SHC4: variants seen among roughly 807,000 people sequenced by gnomAD.
SHC4 encodes the protein SHC-transforming protein 4.
A neutral mutation model predicts 69.4 loss-of-function variants in SHC4; 41 were observed. The ratio of observed to expected loss-of-function variants is 0.59; its 90% CI spans 0.46 to 0.77. SHC4 has a LOEUF of 0.77. Ranked by LOEUF, SHC4 falls within the 30% of genes least tolerant of loss-of-function variation. SHC4 has a pLI of 0.00. For missense variants in SHC4, 777 were observed against 783.8 expected (o/e 0.99, Z 0.10); for synonymous variants, 318 against 299.3 (o/e 1.06, Z -0.64).
At chr15:48,900,512 AAAAAAAAG>A (rs1314907462) in intron 2 of SHC4, among the ~76,000 whole-genome samples, 2 of 151,974 alleles carry the variant, frequency 1.3e-5, no homozygotes, top group Non-Finnish European at 2.9e-5. Flanking sequence ...AACTCAAAAA[AAAAAAAAG>A]AAAAAAAGAA....
intron 2 of SHC4, among the ~76,000 whole-genome samples, chr15:48,922,983 G>A (rs1900777593): frequency 6.6e-6 from 1 of 152,072 alleles, no homozygotes; most frequent in Admixed American, 6.6e-5. Flanking sequence ...TAGTCAGGTG[G>A]AACCATGAAT....
At chr15:48,910,197 T>G (rs891735430) in intron 2 of SHC4, among the ~76,000 whole-genome samples, 10 of 152,114 alleles carry the variant, frequency 6.6e-5, no homozygotes, top group African/African-American at 1.4e-4. Context: ...GAGGTTTTTT[T>G]TTGTTGTTGG....
chr15:48,872,919 C>G (rs967076008), intron 4 of SHC4, among the ~76,000 whole-genome samples: 2 of 152,300 alleles, frequency 1.3e-5, no homozygotes, highest in African/African-American at 4.8e-5. Flanking sequence ...AACTATGCAC[C>G]TATTGACTAA....
intron 1 of SHC4, chr15:48,947,456 C>T (rs1026718292): frequency 2.6e-5 from 4 of 152,114 alleles, no homozygotes; most frequent in Non-Finnish European, 4.4e-5. Context: ...ATATGCAACA[C>T]TTAGGAAAAA....
At chr15:48,856,787 A>C (rs1899325050) in intron 7 of SHC4, among the ~76,000 whole-genome samples, 2 of 152,140 alleles carry the variant, frequency 1.3e-5, no homozygotes, top group African/African-American at 4.8e-5. Flanking sequence ...AAAAAAAAAA[A>C]AAACAAGAAT....
At chr15:48,916,275 A>T (rs1900618821) in intron 2 of SHC4, among the ~76,000 whole-genome samples, 1 of 872 alleles carries the variant, frequency 1.1e-3, no homozygotes, top group Non-Finnish European at 3.4e-3. Flanking sequence ...ATGGTTGCTC[A>T]CACACACACA....
intron 2 of SHC4, among the ~76,000 whole-genome samples, chr15:48,898,402 T>G (rs1416023631): frequency 6.6e-6 from 1 of 152,238 alleles, no homozygotes; most frequent in Non-Finnish European, 1.5e-5. Context: ...AAATACATCC[T>G]TTCACTTTAG....
chr15:48,948,526 T>C (rs1901312342), intron 1 of SHC4, among the ~76,000 whole-genome samples: 1 of 152,264 alleles, frequency 6.6e-6, no homozygotes, highest in Non-Finnish European at 1.5e-5. Context: ...AGAATTCTGC[T>C]ATGTTTGTGC....
At chr15:48,832,558 T>C (rs1053185593) in intron 11 of SHC4, among the ~76,000 whole-genome samples, 3 of 152,172 alleles carry the variant, frequency 2.0e-5, no homozygotes, top group African/African-American at 7.2e-5. Context: ...TTGAATCTGA[T>C]GTTCATTCTC....
chr15:48,936,148 T>C (rs895150390), intron 1 of SHC4, among the ~76,000 whole-genome samples: 8 of 152,114 alleles, frequency 5.3e-5, no homozygotes, highest in African/African-American at 1.9e-4. Context: ...TTGATTGAAT[T>C]TGAATATATA....
At chr15:48,848,612 C>T (rs1899143330) in intron 9 of SHC4, among the ~76,000 whole-genome samples, 1 of 152,024 alleles carries the variant, frequency 6.6e-6, no homozygotes, top group African/African-American at 2.4e-5. Context: ...TTATTAAAGT[C>T]TGTTAATGTA....
chr15:48,932,640 A>T (rs1047626597), intron 1 of SHC4, among the ~76,000 whole-genome samples: 9 of 152,118 alleles, frequency 5.9e-5, no homozygotes, highest in Admixed American at 6.6e-5. Flanking sequence ...ACACCTACTC[A>T]TCATTCACAA....
chr15:48,902,689 G>A (rs1214191698), intron 2 of SHC4, among the ~76,000 whole-genome samples: 1 of 152,094 alleles, frequency 6.6e-6, no homozygotes, highest in Admixed American at 6.6e-5. Flanking sequence ...TCAATATGGG[G>A]TTCCAAGGCC....
In SHC4 at chr15:48,872,131, A is replaced by G. The variant is rs1595739705; in HGVS notation, c.852T>C (p.Asn284=). 1.3e-6 allele frequency: 2 copies of G among 1,583,276 alleles called. No homozygotes were observed. Among genetic ancestry groups the G allele is most frequent in the Non-Finnish European group, 1.7e-6 (2 of 1,158,128 alleles). Residue 284 remains asparagine (N), a synonymous_variant, in exon 5 of 12, where the codon AAT becomes AAC. Transcript: ENST00000332408. ...CAAATGAAATAGACTGCATATGATG[A>G]TTTGCAATAATCTGAAAAACATAAA... ...MNLDNQQIIA[N]HHMQSISFAS...
At chr15:48,849,308 T>C in intron 9 of SHC4, among the ~76,000 whole-genome samples, 1 of 152,146 alleles carries the variant, frequency 6.6e-6, no homozygotes, top group Non-Finnish European at 1.5e-5. Context: ...TAATTCCCAC[T>C]CATCCTTCAG....
intron 5 of SHC4, among the ~76,000 whole-genome samples, chr15:48,871,470 A>C (rs1290088118): frequency 6.6e-6 from 1 of 152,162 alleles, no homozygotes. Flanking sequence ...TGTGGTCCAG[A>C]AATGGTGCAG....
chr15:48,944,851 C>T (rs1391057045), intron 1 of SHC4, among the ~76,000 whole-genome samples: 1 of 152,130 alleles, frequency 6.6e-6, no homozygotes, highest in Non-Finnish European at 1.5e-5. Flanking sequence ...GCAAAAGTAA[C>T]GTTTTAATCC....
intron 2 of SHC4, among the ~76,000 whole-genome samples, chr15:48,912,106 GCTT>G (rs1164390296): frequency 1.3e-5 from 2 of 152,136 alleles, no homozygotes. Flanking sequence ...TGTTCTTTGT[GCTT>G]CTTATATTTG....
At position 48,924,917 on chromosome 15, in the gene SHC4, C is replaced by T. The variant is rs1168245630; in HGVS notation, c.618G>A (p.Met206Ile). ...TTCTCATTCCAAAATCCAGTGATCT[C>T]ATTGATTGCAGCACTTCAACACAGC... ...YMGCVEVLQS[M>I]RSLDFGMRTQ... is the part of the protein sequence containing the mutation. The change falls in exon 2 of 12, where the codon ATG (methionine) becomes ATA (isoleucine). Residue 206 changes from methionine (M) to isoleucine (I), a missense_variant. Transcript: ENST00000332408. 14 of 1,613,970 alleles carry T rather than the reference C, an allele frequency of 8.7e-6. No individual in the cohort carries two copies. Among genetic ancestry groups the T allele is most frequent in the African/African-American group, 1.3e-5 (1 of 74,910 alleles).
Sources: allele counts gnomAD v4.1 joint callset (sites outside exome capture counted in the v4.1 genomes callset), GRCh38; gene constraint gnomAD v4.1.1; transcripts MANE v1.5; gene names NCBI Gene and HGNC (gene_info 2026-07-23, HGNC 2026-07-21).